Variants in PCDHGB5 observed in about 807,000 individuals in gnomAD.
PCDHGB5 encodes the protein protocadherin gamma-B5.
Under a neutral mutation model 62.9 loss-of-function variants are expected in PCDHGB5, and 48 were observed. The ratio of observed to expected loss-of-function variants is 0.76; its 90% CI spans 0.61 to 0.97. The LOEUF (loss-of-function observed/expected upper bound fraction) is 0.97, where lower values mean the gene tolerates loss of function less well. Among genes scored for constraint, PCDHGB5 ranks in the 50% least tolerant of loss-of-function variants. The probability of loss-of-function intolerance (pLI) is 0.00; values close to 1 mark genes in which losing one functional copy is unlikely to be tolerated. For synonymous variants in PCDHGB5, 474 were observed against 511.2 expected, an observed-to-expected ratio of 0.93 and a Z score of 0.98; for missense variants, 1,118 against 1,198.6, an observed-to-expected ratio of 0.93 and a Z score of 0.99.
intron 1 of PCDHGB5, among the ~76,000 whole-genome samples, chr5:141,471,163 G>GC (rs202115056): frequency 0.11 from 16,237 of 150,562 alleles, 892 homozygotes; most frequent in South Asian, 0.15. Context: ...GATTCTCCTG[G>GC]CTCAGCCTCC....
At chr5:141,495,153 T>G (rs2154591630) in intron 2 of PCDHGB5, among the ~76,000 whole-genome samples, 1 of 152,290 alleles carries the variant, frequency 6.6e-6, no homozygotes, top group East Asian at 1.9e-4. Flanking sequence ...AGGATGGTCT[T>G]AAGCTGGTCT....
intron 1 of PCDHGB5, chr5:141,421,833 C>A: frequency 6.2e-7 from 1 of 1,613,756 alleles, no homozygotes; most frequent in South Asian, 1.1e-5. Context: ...GAAGCCTGGA[C>A]CGAGAGAAAG....
chr5:141,403,832 C>T (rs374600582), intron 1 of PCDHGB5: 1 of 1,613,684 alleles, frequency 6.2e-7, no homozygotes, highest in Non-Finnish European at 8.5e-7. Context: ...GCTATTCCAG[C>T]TTAATGAAAA....
intron 1 of PCDHGB5, among the ~76,000 whole-genome samples, chr5:141,425,919 G>C (rs11167745): frequency 0.3 from 45,848 of 152,124 alleles, 8,179 homozygotes; most frequent in African/African-American, 0.5. Context: ...CAGTCACTAC[G>C]AAAACTCATA....
In PCDHGB5 at chr5:141,491,491, G is replaced by C. The variant is rs2099717103; in HGVS notation, c.2398-3316G>C. The C allele has an allele frequency of 1.2e-6, 2 of 1,614,042 alleles. No homozygotes were observed. The highest frequency in any genetic ancestry group is 1.7e-5 in the Admixed American group (1 of 60,016). The stretch of plus-strand genomic sequence containing the variant: ...TAAGCAGTCCAGCCCCAACCTGCAG[G>C]TGAGCTCGGACGGCACGCTCAAGTA... On this transcript the variant is annotated intron_variant, in intron 1 of 3. Transcript: ENST00000617380. The surrounding 1 kb of genome is among the most constrained non-coding windows in gnomAD (Gnocchi z 6.9).
At position 141,477,460 on chromosome 5, in the gene PCDHGB5, C is replaced by T; in HGVS notation, c.2398-17347C>T. 6.2e-7 allele frequency: 1 copy of T among 1,614,132 alleles called. No individual in the cohort carries two copies. Among genetic ancestry groups the T allele is most frequent in the Non-Finnish European group, 8.5e-7 (1 of 1,180,020 alleles). On this transcript the variant is annotated intron_variant, in intron 1 of 3. Transcript: ENST00000617380. The surrounding 1 kb of genome is among the most constrained non-coding windows in gnomAD (Gnocchi z 4.9). ...TTACAATAGTGCGTGTTCAAGTGTC[C>T]GACATCAATGACAACCCTCCACAAT...
Position 141,476,659 on chromosome 5 carries a change from G to C in PCDHGB5, c.2398-18148G>C. On this transcript the variant is annotated intron_variant, in intron 1 of 3. Transcript: ENST00000617380. This position sits in a 1 kb window ranked among gnomAD's most constrained non-coding sequence, Gnocchi z 7.6. ...AGCTGAGCCGAAATGAATACTTTGCGCTTCGCGTGCAGACGCGGGAGGACA... is the reference window on the plus strand; with the variant it reads ...AGCTGAGCCGAAATGAATACTTTGCCCTTCGCGTGCAGACGCGGGAGGACA... 1 of 1,614,252 alleles carries C rather than the reference G, an allele frequency of 6.2e-7. No individual in the cohort carries two copies. The highest frequency in any genetic ancestry group is 8.5e-7 in the Non-Finnish European group (1 of 1,180,048).
intron 1 of PCDHGB5, among the ~76,000 whole-genome samples, chr5:141,456,679 T>C (rs1357662868): frequency 2.0e-5 from 3 of 152,104 alleles, no homozygotes; most frequent in Non-Finnish European, 2.9e-5. Flanking sequence ...AAAAATGCAT[T>C]ACTGGCCAGG....
At chr5:141,473,809 A>C (rs1230574978) in intron 1 of PCDHGB5, among the ~76,000 whole-genome samples, 2 of 152,242 alleles carry the variant, frequency 1.3e-5, no homozygotes, top group East Asian at 3.8e-4. Flanking sequence ...ACTGAGGAGC[A>C]GCTGGACAAT....
At chr5:141,402,260 A>C (rs2094244604) in intron 1 of PCDHGB5, among the ~76,000 whole-genome samples, 2 of 152,144 alleles carry the variant, frequency 1.3e-5, no homozygotes, top group South Asian at 4.1e-4. Context: ...AACCCCAGAA[A>C]ATAATTTCAA....
rs773247537 is a variant in PCDHGB5, at chr5:141,399,855, C to A, written c.1728C>A (p.Arg576=). The change falls in exon 1 of 4, where the codon CGC becomes CGA. Residue 576 remains arginine (R), a synonymous_variant. Transcript: ENST00000617380. ...CTGCGCTCTTCGATATGGTGCCGCGCGCTGCAGAGCCCGGCTACCTGGTGA... is the reference window on the plus strand; with the variant it reads ...CTGCGCTCTTCGATATGGTGCCGCGAGCTGCAGAGCCCGGCTACCTGGTGA... ...DGSALFDMVP[R]AAEPGYLVTK... is the part of the protein sequence containing the mutation. 4 of 1,612,892 alleles carry A rather than the reference C, an allele frequency of 2.5e-6. No homozygotes were observed. Among genetic ancestry groups the A allele is most frequent in the Non-Finnish European group, 2.5e-6 (3 of 1,179,800 alleles).
intron 1 of PCDHGB5, among the ~76,000 whole-genome samples, chr5:141,481,668 A>G (rs1051166504): frequency 6.6e-6 from 1 of 152,090 alleles, no homozygotes; most frequent in Admixed American, 6.6e-5. Flanking sequence ...TAATACAAAA[A>G]TCAGGCCGGG....
chr5:141,501,666 T>C (rs2099810374), intron 2 of PCDHGB5, among the ~76,000 whole-genome samples: 1 of 152,142 alleles, frequency 6.6e-6, no homozygotes. Context: ...TTGGAAAATA[T>C]AGATAATCAC....
intron 1 of PCDHGB5, among the ~76,000 whole-genome samples, chr5:141,470,717 A>G (rs1353989037): frequency 6.6e-6 from 1 of 152,010 alleles, no homozygotes; most frequent in Non-Finnish European, 1.5e-5. Flanking sequence ...TATTTTTTTG[A>G]GTCAGGGTCT....
intron 1 of PCDHGB5, among the ~76,000 whole-genome samples, chr5:141,460,961 A>ATATGTGTGTGTG (rs1463306338): frequency 4.1e-5 from 6 of 144,616 alleles, no homozygotes; most frequent in Admixed American, 1.4e-4. Flanking sequence ...GTATATATAT[A>ATATGTGTGTGTG]TGTGTGTGTG....
intron 1 of PCDHGB5, chr5:141,410,121 A>G (rs1239244343): frequency 1.9e-6 from 3 of 1,612,642 alleles, no homozygotes; most frequent in Non-Finnish European, 2.5e-6. Flanking sequence ...GCAGCCCGCC[A>G]GCGCCTGCTG....
chr5:141,421,642 G>A, intron 1 of PCDHGB5: 1 of 1,613,850 alleles, frequency 6.2e-7, no homozygotes, highest in South Asian at 1.1e-5. Flanking sequence ...GGAGGACGAA[G>A]TGGAGATAAA....
intron 1 of PCDHGB5, chr5:141,415,523 T>G (rs1245542927): frequency 1.9e-6 from 3 of 1,614,196 alleles, no homozygotes; most frequent in Non-Finnish European, 2.5e-6. Context: ...GCGGACACGC[T>G]CATCAGCCAG....
chr5:141,402,746 T>C (rs956909207), intron 1 of PCDHGB5, among the ~76,000 whole-genome samples: 2 of 152,224 alleles, frequency 1.3e-5, no homozygotes, highest in African/African-American at 4.8e-5. Context: ...TGATCAACTC[T>C]AAGCGAAAAT....
Sources: gnomAD v4.1 joint callset for allele counts (sites outside exome capture counted in the v4.1 genomes callset) on GRCh38, gnomAD v4.1.1 for gene constraint, Gnocchi (gnomAD v3.1) non-coding constraint, MANE v1.5 for transcripts, NCBI Gene and HGNC (gene_info 2026-07-23, HGNC 2026-07-21) for gene names.